TMEM43: variants seen among roughly 807,000 people sequenced by gnomAD.
TMEM43 encodes arrhythmogenic right ventricular dysplasia 5.
In TMEM43, 45 loss-of-function variants were observed where a neutral mutation model predicts 49.6. The observed-to-expected ratio is 0.91, with a 90% confidence interval of 0.71 to 1.16. The LOEUF (loss-of-function observed/expected upper bound fraction) is 1.16. TMEM43 is among the 50% of genes most tolerant of loss of function. The pLI is 0.00. For missense variants in TMEM43, 532 were observed against 516.6 expected (o/e 1.03, Z -0.29); for synonymous variants, 199 against 207.8 (o/e 0.96, Z 0.36).
chr3:14,138,870 C>A (rs1028286139), intron 10 of TMEM43, among the ~76,000 whole-genome samples: 5 of 152,236 alleles, frequency 3.3e-5, no homozygotes, highest in Non-Finnish European at 5.9e-5. Flanking sequence ...AGACATCCTC[C>A]AACCTGCTCA....
In TMEM43 at chr3:14,143,456, T is replaced by C. The variant is rs932235423; in HGVS notation, c.*1661T>C. On this transcript the variant is annotated 3_prime_UTR_variant, in exon 12 of 12. Transcript: ENST00000306077. ...GCAATTTCATCAAATCTCCAAACTC[T>C]TAAAGGATGCTTTCGGAAAACACGC... The C allele has an allele frequency of 1.3e-5, 2 of 152,238 alleles. No individual in the cohort carries two copies. Among genetic ancestry groups the C allele is most frequent in the African/African-American group, 2.4e-5 (1 of 41,452 alleles). The allele number at this position is 152,238 out of a possible 1,614,324, so 9.4% of individuals were successfully genotyped here.
rs1217589433 is a variant in TMEM43, at chr3:14,135,219, GCCCAGCTCA to G, written c.769_777del (p.Pro257_His259del). 6.2e-7 allele frequency: 1 copy of G among 1,612,122 alleles called. No homozygotes were observed. Among genetic ancestry groups the G allele is most frequent in the East Asian group, 2.2e-5 (1 of 44,888 alleles). On this transcript the variant is annotated inframe_deletion, in exon 9 of 12. Transcript: ENST00000306077. ...CTGAGCGGCGATGACCCTGACCTGG[GCCCAGCTCA>G]CGTGGTAACCTGGCTTCCCAGGGGC... is the stretch of plus-strand genomic sequence containing the variant.
intron 9 of TMEM43, 98 bp downstream of exon 9, chr3:14,135,330 T>C: frequency 9.8e-7 from 1 of 1,020,938 alleles, no homozygotes; most frequent in Non-Finnish European, 1.5e-6. Context: ...GGACCCCCTT[T>C]TCCCTGGGGA....
At position 14,143,649 on chromosome 3, in the gene TMEM43, T is replaced by C. The variant is rs1695285896; in HGVS notation, c.*1854T>C. Reference sequence around the variant, plus strand: ...ATTTGTAATATCATTGTATTTTTTATTAAAAGTTTTGTAATAAATTTCTAA... The same window carrying C: ...ATTTGTAATATCATTGTATTTTTTACTAAAAGTTTTGTAATAAATTTCTAA... On this transcript the variant is annotated 3_prime_UTR_variant, in exon 12 of 12. Coordinates refer to ENST00000306077, the MANE Select transcript of TMEM43 (RefSeq NM_024334.3). The C allele has an allele frequency of 2.0e-5, 3 of 152,284 alleles. No homozygotes were observed. Among genetic ancestry groups the C allele is most frequent in the South Asian group, 4.1e-4 (2 of 4,832 alleles). 9.4% of individuals were successfully genotyped at this position (152,284 alleles called of 1,614,324 possible).
chr3:14,126,784 G>A (rs778302345), intron 1 of TMEM43, among the ~76,000 whole-genome samples: 1 of 152,198 alleles, frequency 6.6e-6, no homozygotes, highest in Non-Finnish European at 1.5e-5. Flanking sequence ...TCATCCAGTA[G>A]CTGAGTACAC....
At chr3:14,141,450 C>T (rs1220734815) in intron 11 of TMEM43, 143 bp from the exon 12 acceptor site, 12 of 840,144 alleles carry the variant, frequency 1.4e-5, no homozygotes, top group Non-Finnish European at 2.2e-5. Flanking sequence ...CAGAACGAAG[C>T]TCCTTGCCTT....
rs753704737 is a variant in TMEM43 at position 14,139,274 on chromosome 3, T to C, written c.977T>C (p.Met326Thr). 8 of 1,614,086 alleles carry C rather than the reference T, an allele frequency of 5.0e-6. No individual in the cohort carries two copies. Among genetic ancestry groups the C allele is most frequent in the Non-Finnish European group, 6.8e-6 (8 of 1,179,940 alleles). Reference protein sequence around the residue: ...WMAMFMGLNLMTRILYTLVDW... With the variant: ...WMAMFMGLNLTTRILYTLVDW... ...GCCATGTTCATGGGCCTCAACCTTA[T>C]GACACGGATCCTCTACACCTTGGGT... The change falls in exon 11 of 12, where the codon ATG becomes ACG. Residue 326 changes from methionine (M) to threonine (T), a missense_variant. Transcript: ENST00000306077.
At chr3:14,134,213 C>T (rs1181615813) in intron 7 of TMEM43, among the ~76,000 whole-genome samples, 1 of 152,244 alleles carries the variant, frequency 6.6e-6, no homozygotes, top group Admixed American at 6.5e-5. Flanking sequence ...CCCAGGAAGG[C>T]ACTAGCTTAT....
chr3:14,141,555 G>A (rs766632899), intron 11 of TMEM43, 38 bp from the exon 12 acceptor site: 1 of 1,577,874 alleles, frequency 6.3e-7, no homozygotes, highest in Admixed American at 1.7e-5. Context: ...GTGAGGTGTA[G>A]AGCAGGTGGC....
At chr3:14,132,668 TTGG>T in intron 5 of TMEM43, 73 bp downstream of exon 5, 1 of 1,559,362 alleles carries the variant, frequency 6.4e-7, no homozygotes, top group Non-Finnish European at 8.8e-7. Flanking sequence ...AGCAGGGCTG[TTGG>T]TGGGGCCATG....
intron 7 of TMEM43, 52 bp downstream of exon 7, chr3:14,133,861 C>A: frequency 6.5e-7 from 1 of 1,535,598 alleles, no homozygotes; most frequent in Non-Finnish European, 9.0e-7. Flanking sequence ...CAAGGCCCCC[C>A]TAGGGCCGGA....
chr3:14,130,044 TCTTC>T (rs919774984), intron 2 of TMEM43, among the ~76,000 whole-genome samples: 1 of 149,896 alleles, frequency 6.7e-6, no homozygotes, highest in East Asian at 2.0e-4. Flanking sequence ...TTTGTTCCTT[TCTTC>T]CTTCCTTCCT....
intron 10 of TMEM43, among the ~76,000 whole-genome samples, chr3:14,136,291 T>C (rs961800993): frequency 2.6e-5 from 4 of 152,238 alleles, no homozygotes; most frequent in Admixed American, 1.3e-4. Context: ...CAGAAAGTTT[T>C]GGATTTTGGA....
intron 8 of TMEM43, 28 bp from the exon 9 acceptor site, chr3:14,135,130 A>C (rs1450530666): frequency 6.2e-7 from 1 of 1,603,366 alleles, no homozygotes; most frequent in Non-Finnish European, 8.5e-7. Context: ...TCCGTTCCTC[A>C]CTCTCCCTGC....
rs2124997168 is a variant in TMEM43, at chr3:14,141,608, T to G, written c.1016T>G (p.Val339Gly). ...ILYTLVDWFP[V>G]FRDLVNIGLK... Reference sequence around the variant, plus strand: ...CTTTCCACAGTGGACTGGTTTCCTGTTTTCCGAGACCTGGTCAACATTGGC... The same window carrying G: ...CTTTCCACAGTGGACTGGTTTCCTGGTTTCCGAGACCTGGTCAACATTGGC... The change falls in exon 12 of 12, where the codon GTT becomes GGT. Residue 339 changes from valine (V) to glycine (G), a missense_variant. By Grantham distance (109) the Val-to-Gly change is moderately radical. Transcript: ENST00000306077. 4 of 1,614,140 alleles carry G rather than the reference T, an allele frequency of 2.5e-6. No individual in the cohort carries two copies. The highest frequency in any genetic ancestry group is 3.4e-6 in the Non-Finnish European group (4 of 1,180,020).
intron 7 of TMEM43, 96 bp downstream of exon 7, chr3:14,133,905 C>T (rs1251336299): frequency 1.8e-6 from 2 of 1,122,376 alleles, no homozygotes; most frequent in Non-Finnish European, 2.7e-6. Flanking sequence ...GGGCTAAAGG[C>T]ACAGGATCAG....
At chr3:14,131,042 T>G in intron 3 of TMEM43, 86 bp downstream of exon 3, 1 of 1,519,792 alleles carries the variant, frequency 6.6e-7, no homozygotes, top group South Asian at 1.2e-5. Context: ...AGCATGGGCC[T>G]TGGAGATGGT....
At chr3:14,139,896 G>A (rs1695225276) in intron 11 of TMEM43, among the ~76,000 whole-genome samples, 1 of 152,188 alleles carries the variant, frequency 6.6e-6, no homozygotes, top group Non-Finnish European at 1.5e-5. Context: ...GTGGCCCAGC[G>A]TGGTTCGGGA....
At chr3:14,134,978 A>G in intron 8 of TMEM43, 87 bp downstream of exon 8, 3 of 1,595,328 alleles carry the variant, frequency 1.9e-6, no homozygotes, top group Admixed American at 3.4e-5. Flanking sequence ...GTTCAGTCGC[A>G]TGCACAGCTG....
Sources: gnomAD v4.1 joint callset for allele counts (sites outside exome capture counted in the v4.1 genomes callset) on GRCh38, gnomAD v4.1.1 for gene constraint, MANE v1.5 for transcripts, NCBI Gene and HGNC (gene_info 2026-07-23, HGNC 2026-07-21) for gene names.